Variants in PIEZO2 observed in about 807,000 individuals in gnomAD.
PIEZO2 encodes the protein piezo type mechanosensitive ion channel component 2.
A neutral mutation model predicts 337.3 loss-of-function variants in PIEZO2; 172 were observed. That is an observed-to-expected ratio of 0.51 (90% CI 0.45 to 0.58). The LOEUF (loss-of-function observed/expected upper bound fraction) is 0.58. Ranked by LOEUF, PIEZO2 falls within the 20% of genes least tolerant of loss-of-function variation. The pLI, the probability that PIEZO2 is intolerant of heterozygous loss-of-function variation, is 0.00. For missense variants in PIEZO2, 3,028 were observed against 3,391.3 expected (o/e 0.89, Z 2.66); for synonymous variants, 1,251 against 1,228.5 (o/e 1.02, Z -0.38).
rs906215378 is a variant in PIEZO2, at chr18:11,021,358, T to C, written c.161-41698A>G. 1.3e-5 allele frequency among the ~76,000 whole-genome samples: 2 copies of C among 152,182 alleles called. No homozygotes were observed. On this transcript the variant is annotated intron_variant, in intron 2 of 55. Transcript: ENST00000674853. The surrounding 1 kb of genome is among the most constrained non-coding windows in gnomAD (Gnocchi z 4.7). ...AGTCTCCTCTATTCTGAAGAAAACA[T>C]TTTCTTTTTCCTTCTACAAAAGCAT...
intron 2 of PIEZO2, among the ~76,000 whole-genome samples, chr18:11,052,730 G>C (rs2037575821): frequency 1.3e-5 from 2 of 152,108 alleles, no homozygotes; most frequent in Admixed American, 1.3e-4. Flanking sequence ...CTTTTGGGAA[G>C]AACAATCCTT....
At position 10,895,243 on chromosome 18, in the gene PIEZO2, C is replaced by T. The variant is rs1313629695; in HGVS notation, c.329+15943G>A. Reference sequence around the variant, plus strand: ...GGTGGATCACTTGAGGTCAGGAGATCGAGACCAGCCTGGCCAACATGGTGA... The same window carrying T: ...GGTGGATCACTTGAGGTCAGGAGATTGAGACCAGCCTGGCCAACATGGTGA... On this transcript the variant is annotated intron_variant, in intron 4 of 55. Coordinates refer to ENST00000674853, the MANE Select transcript of PIEZO2 (RefSeq NM_001378183.1). The surrounding 1 kb of genome is among the most constrained non-coding windows in gnomAD (Gnocchi z 4.8). 6.6e-6 allele frequency among the ~76,000 whole-genome samples: 1 copy of T among 151,948 alleles called. No individual in the cohort carries two copies. The highest frequency in any genetic ancestry group is 1.9e-4 in the East Asian group (1 of 5,152).
intron 7 of PIEZO2, among the ~76,000 whole-genome samples, chr18:10,844,629 A>G (rs1375787944): frequency 6.6e-6 from 1 of 151,746 alleles, no homozygotes; most frequent in Non-Finnish European, 1.5e-5. Flanking sequence ...TCTACTAAAA[A>G]ATACAAAAAA....
At chr18:10,709,770 G>A (rs924364621) in intron 39 of PIEZO2, among the ~76,000 whole-genome samples, 3 of 152,258 alleles carry the variant, frequency 2.0e-5, no homozygotes, top group African/African-American at 7.2e-5. Context: ...CCATGCTGCT[G>A]TGCATGTTAC....
chr18:10,930,907 C>G (rs941653216), intron 3 of PIEZO2, among the ~76,000 whole-genome samples: 1 of 152,180 alleles, frequency 6.6e-6, no homozygotes, highest in Non-Finnish European at 1.5e-5. Context: ...TGTCTAAAAG[C>G]ACCATGGTAT....
chr18:10,756,328 TG>T (rs201885371), intron 27 of PIEZO2, among the ~76,000 whole-genome samples: 1,924 of 113,574 alleles, frequency 0.017, 50 homozygotes, highest in African/African-American at 0.061. Context: ...AGAGGAAGGA[TG>T]GGGATGAGTA....
intron 29 of PIEZO2, among the ~76,000 whole-genome samples, chr18:10,749,325 C>T (rs1288173228): frequency 6.6e-6 from 1 of 151,924 alleles, no homozygotes; most frequent in Non-Finnish European, 1.5e-5. Context: ...TGCAGCTACT[C>T]AGGAGGCAGC....
chr18:10,731,518 C>T lies in PIEZO2; in HGVS notation c.4918G>A (p.Val1640Ile), dbSNP rs756250008. ...LQYLIRAAKFVYQAWITDPKT... is the reference protein window; with the variant it reads ...LQYLIRAAKFIYQAWITDPKT... The stretch of plus-strand genomic sequence containing the variant: ...GGATCAGTAATCCAGGCTTGATAAA[C>T]AAACTGAAGGGAGAAAGTTCAATTA... Residue 1640 changes from valine (V) to isoleucine (I), a missense_variant, in exon 36 of 56, where the codon GTT becomes ATT. Physicochemically the swap from Val to Ile is conservative, Grantham distance 29. Around this residue, in one of 5 missense-constraint regions of PIEZO2, gnomAD observed 1,925 missense variants for 2,051.9 expected, o/e 0.94. Transcript: ENST00000674853. 1.3e-6 allele frequency: 2 copies of T among 1,513,290 alleles called. No homozygotes were observed. The highest frequency in any genetic ancestry group is 2.5e-5 in the South Asian group (2 of 80,974). 93.7% of individuals were successfully genotyped at this position (1,513,290 alleles called of 1,614,324 possible). A position where few individuals can be genotyped will look rare whatever the true frequency, so the allele number is the denominator to read the frequency against.
At position 11,083,870 on chromosome 18, in the gene PIEZO2, T is replaced by A. The variant is rs751743145; in HGVS notation, c.65-17648A>T. ...TAGTCAATTTTAATTAAATAATCGA[T>A]CAATTCAATTAAGAGAAAGGAGAGG... On this transcript the variant is annotated intron_variant, in intron 1 of 55. Coordinates refer to ENST00000674853, the MANE Select transcript of PIEZO2 (RefSeq NM_001378183.1). The surrounding 1 kb of genome is among the most constrained non-coding windows in gnomAD (Gnocchi z 4.4). 1.3e-5 allele frequency among the ~76,000 whole-genome samples: 2 copies of A among 152,054 alleles called. No individual in the cohort carries two copies. The highest frequency in any genetic ancestry group is 1.3e-4 in the Admixed American group (2 of 15,258).
intron 7 of PIEZO2, among the ~76,000 whole-genome samples, chr18:10,835,169 T>C (rs2040968657): frequency 6.6e-6 from 1 of 152,164 alleles, no homozygotes; most frequent in Non-Finnish European, 1.5e-5. Context: ...TCCAGAATTA[T>C]GAGAAATAAA....
At chr18:10,768,301 AC>A (rs755005469) in intron 21 of PIEZO2, among the ~76,000 whole-genome samples, 3 of 152,212 alleles carry the variant, frequency 2.0e-5, no homozygotes, top group Admixed American at 6.5e-5. Flanking sequence ...GTTCAGGGAC[AC>A]GGAGGAAAGT....
chr18:10,777,595 C>A (rs190032061), intron 18 of PIEZO2, among the ~76,000 whole-genome samples: 144 of 152,262 alleles, frequency 9.5e-4, no homozygotes, highest in Non-Finnish European at 1.1e-3. Flanking sequence ...TGTACAAGAA[C>A]CTGACTTTGA....
intron 49 of PIEZO2, among the ~76,000 whole-genome samples, chr18:10,686,902 C>T (rs1316414254): frequency 1.3e-5 from 2 of 151,960 alleles, no homozygotes; most frequent in Non-Finnish European, 2.9e-5. Context: ...TGAATAACTC[C>T]CTGTAACAGT....
Position 10,752,623 on chromosome 18 carries a change from G to A in PIEZO2, c.4167+13C>T. On this transcript the variant is annotated intron_variant, in intron 28 of 55. Coordinates refer to ENST00000674853, the MANE Select transcript of PIEZO2 (RefSeq NM_001378183.1). ...GAAAACCGCAAATGTGTTATGCAGT[G>A]GCAACCACTTACTGACAGGATATTT... 6.5e-7 allele frequency: 1 copy of A among 1,536,660 alleles called. No individual in the cohort carries two copies. Among genetic ancestry groups the A allele is most frequent in the South Asian group, 1.2e-5 (1 of 83,988 alleles).
At chr18:10,928,525 A>C (rs1248403069) in intron 3 of PIEZO2, among the ~76,000 whole-genome samples, 3 of 152,228 alleles carry the variant, frequency 2.0e-5, no homozygotes. Flanking sequence ...TCCAGTTCTT[A>C]AACAGTGCCT....
rs552077231 is a variant in PIEZO2, at chr18:11,003,647, A to C, written c.161-23987T>G. Among the ~76,000 whole-genome samples, 1 of 152,318 alleles carries C rather than the reference A, an allele frequency of 6.6e-6. No individual in the cohort carries two copies. Among genetic ancestry groups the C allele is most frequent in the African/African-American group, 2.4e-5 (1 of 41,576 alleles). On this transcript the variant is annotated intron_variant, in intron 2 of 55. Transcript: ENST00000674853. The surrounding 1 kb of genome is among the most constrained non-coding windows in gnomAD (Gnocchi z 4.6). ...CGGGCATCAGGCGGGCACCAGCCCT[A>C]GCCAGTACACCGTCCCATCTTGGGC...
chr18:10,946,267 A>C (rs2033017306), intron 3 of PIEZO2, among the ~76,000 whole-genome samples: 2 of 152,260 alleles, frequency 1.3e-5, no homozygotes, highest in South Asian at 4.1e-4. Context: ...TAGGAATGAC[A>C]GCAGATTTTG....
rs181745071 is a variant in PIEZO2 at position 10,847,213 on chromosome 18, C to T, written c.917+8140G>A. On this transcript the variant is annotated intron_variant, in intron 7 of 55. Transcript: ENST00000674853. This position sits in a 1 kb window ranked among gnomAD's most constrained non-coding sequence, Gnocchi z 5.7. ...TGGAACCCATGTGATGCTCGCTGGC[C>T]AGATGACATGACGGCAGCCGGGGCA... Among the ~76,000 whole-genome samples the T allele has an allele frequency of 1.5e-4, 23 of 152,332 alleles. No individual in the cohort carries two copies. Among genetic ancestry groups the T allele is most frequent in the Admixed American group, 2.6e-4 (4 of 15,306 alleles).
intron 51 of PIEZO2, 128 bp downstream of exon 51, chr18:10,681,533 T>A: frequency 1.4e-6 from 1 of 712,210 alleles, no homozygotes; most frequent in Non-Finnish European, 2.4e-6. Flanking sequence ...ATGTGCTCTA[T>A]GTAACTGATA....
Sources: allele counts gnomAD v4.1 joint callset (sites outside exome capture counted in the v4.1 genomes callset), GRCh38; gene constraint gnomAD v4.1.1; regional missense constraint gnomAD v4.1.1; non-coding constraint Gnocchi (gnomAD v3.1); transcripts MANE v1.5; gene names NCBI Gene and HGNC (gene_info 2026-07-23, HGNC 2026-07-21).